SLC14A2: variants seen among roughly 807,000 people sequenced by gnomAD.
The protein encoded by SLC14A2 is solute carrier family 14 member 2.
In SLC14A2, 91 loss-of-function variants were observed where a neutral mutation model predicts 104.6. The ratio of observed to expected loss-of-function variants is 0.87; its 90% CI spans 0.73 to 1.04. The LOEUF is 1.04. SLC14A2 is among the 50% of genes least tolerant of loss of function. SLC14A2 has a pLI of 0.00. For synonymous variants in SLC14A2, 476 were observed against 466.4 expected, an observed-to-expected ratio of 1.02 and a Z score of -0.27; for missense variants, 1,189 against 1,156.0, an observed-to-expected ratio of 1.03 and a Z score of -0.41.
At chr18:45,275,731 A>G (rs188489313) in intron 1 of SLC14A2, among the ~76,000 whole-genome samples, 1 of 152,348 alleles carries the variant, frequency 6.6e-6, no homozygotes, top group East Asian at 1.9e-4. Context: ...TAGTCTCATT[A>G]AAGAGAGTAA....
intron 1 of SLC14A2, among the ~76,000 whole-genome samples, chr18:45,418,090 A>G (rs2086297916): frequency 6.6e-6 from 1 of 152,218 alleles, no homozygotes; most frequent in South Asian, 2.1e-4. Flanking sequence ...TTTTCCTTTG[A>G]AATAAATGTA....
At chr18:45,530,843 T>G (rs2043673619) in intron 2 of SLC14A2, among the ~76,000 whole-genome samples, 1 of 151,908 alleles carries the variant, frequency 6.6e-6, no homozygotes, top group Non-Finnish European at 1.5e-5. Context: ...ATGCTATCCC[T>G]CCCCACTCCC....
intron 1 of SLC14A2, among the ~76,000 whole-genome samples, chr18:45,399,041 T>C (rs1402556097): frequency 6.6e-6 from 1 of 152,196 alleles, no homozygotes; most frequent in African/African-American, 2.4e-5. Context: ...ATGACACTTA[T>C]TGGATGCTAA....
the SLC14A2 span, among the ~76,000 whole-genome samples, chr18:45,170,450 T>C: frequency 6.6e-6 from 1 of 152,232 alleles, no homozygotes; most frequent in South Asian, 2.1e-4. Flanking sequence ...AAATGTAGGT[T>C]GGTGGTAGAA....
intron 1 of SLC14A2, among the ~76,000 whole-genome samples, chr18:45,418,136 C>T (rs1247972126): frequency 2.0e-5 from 3 of 152,112 alleles, no homozygotes; most frequent in Non-Finnish European, 2.9e-5. Context: ...AGAAAAGCAA[C>T]AATATTCATT....
upstream of SLC14A2, among the ~76,000 whole-genome samples, chr18:45,614,085 C>T (rs537946353): frequency 6.6e-6 from 1 of 152,344 alleles, no homozygotes; most frequent in East Asian, 1.9e-4. Context: ...CCACTACTGC[C>T]CTATGCAGCC....
At chr18:45,667,749 C>A in intron 13 of SLC14A2, 84 bp from the exon 14 acceptor site, 1 of 1,106,936 alleles carries the variant, frequency 9.0e-7, no homozygotes, top group Non-Finnish European at 1.4e-6. Flanking sequence ...TTCGGATATC[C>A]AGATTCCCTC....
At chr18:45,518,539 G>A (rs2705390) in intron 2 of SLC14A2, among the ~76,000 whole-genome samples, 151,124 of 152,278 alleles carry the variant, frequency 0.99, 75,002 homozygotes, top group Middle Eastern at 1. Context: ...AAACAGCCCT[G>A]TAACTGTTGG....
intron 1 of SLC14A2, among the ~76,000 whole-genome samples, chr18:45,427,760 A>T (rs2086455299): frequency 6.6e-6 from 1 of 152,162 alleles, no homozygotes; most frequent in Admixed American, 6.5e-5. Flanking sequence ...GGATGTGAGG[A>T]AACAGTGGTG....
rs116133454 is a variant in SLC14A2, at chr18:45,619,875, C to G, written c.-35+4293C>G. 6.4e-3 allele frequency among the ~76,000 whole-genome samples: 980 copies of G among 152,330 alleles called. 15 individuals are homozygous for G. The highest frequency in any genetic ancestry group is 0.022 in the African/African-American group (905 of 41,564). ...AAGAGGGAAAAGTAAGATCACTAAG[C>G]GCCTACTATGTGCCAGGAACCAAGT... is the stretch of plus-strand genomic sequence containing the variant. On this transcript the variant is annotated intron_variant, in intron 1 of 19. Transcript: ENST00000255226.
chr18:45,437,531 C>T lies in SLC14A2; in HGVS notation c.-124-45702C>T, dbSNP rs1259196594. Among the ~76,000 whole-genome samples the T allele has an allele frequency of 4.6e-5, 7 of 152,206 alleles. No individual in the cohort carries two copies. In the East Asian group the frequency reaches 1.4e-3, roughly 29 times the overall value. On this transcript the variant is annotated intron_variant, in intron 1 of 20. Transcript: ENST00000586448. ...CGCATCTGGGAGTGGCCCATCCGCT[C>T]CAGCTGCTAGCCACCCTCATGTCAT...
chr18:45,442,432 A>T (rs1424102723), intron 1 of SLC14A2, among the ~76,000 whole-genome samples: 1 of 152,156 alleles, frequency 6.6e-6, no homozygotes, highest in Non-Finnish European at 1.5e-5. Context: ...GTTTGCTGGC[A>T]ATCTTTGACT....
At chr18:45,396,539 G>A (rs1220343278) in intron 1 of SLC14A2, among the ~76,000 whole-genome samples, 7 of 150,910 alleles carry the variant, frequency 4.6e-5, no homozygotes, top group Admixed American at 1.3e-4. Flanking sequence ...ATTTTGGGGG[G>A]TTTTCCATTT....
chr18:45,402,246 C>A (rs961203325), intron 1 of SLC14A2, among the ~76,000 whole-genome samples: 1 of 151,202 alleles, frequency 6.6e-6, no homozygotes, highest in African/African-American at 2.4e-5. Context: ...TTTCCTCCTG[C>A]AAAAAAAAGT....
intron 2 of SLC14A2, among the ~76,000 whole-genome samples, chr18:45,484,077 CAT>C (rs1372791355): frequency 2.0e-5 from 3 of 152,202 alleles, no homozygotes; most frequent in Non-Finnish European, 4.4e-5. Flanking sequence ...ACATTTCACT[CAT>C]ATAATAGCCA....
intron 2 of SLC14A2, among the ~76,000 whole-genome samples, chr18:45,548,179 A>G (rs913806256): frequency 6.6e-6 from 1 of 152,192 alleles, no homozygotes; most frequent in Non-Finnish European, 1.5e-5. Context: ...AGTTCTTCAA[A>G]AGGAAACAGG....
chr18:45,292,370 G>T (rs766989208), intron 1 of SLC14A2, among the ~76,000 whole-genome samples: 18 of 152,198 alleles, frequency 1.2e-4, no homozygotes, highest in Non-Finnish European at 1.5e-4. Flanking sequence ...AGCTGTACTA[G>T]GGCGTTGCCA....
At chr18:45,307,680 C>T (rs2085037948) in intron 1 of SLC14A2, among the ~76,000 whole-genome samples, 1 of 152,124 alleles carries the variant, frequency 6.6e-6, no homozygotes, top group Non-Finnish European at 1.5e-5. Context: ...TGTAAAAAAC[C>T]TATCCTCATA....
At chr18:45,378,746 T>C (rs150852416) in intron 1 of SLC14A2, among the ~76,000 whole-genome samples, 2 of 152,262 alleles carry the variant, frequency 1.3e-5, no homozygotes, top group African/African-American at 4.8e-5. Flanking sequence ...CTCAATGCAT[T>C]TTGTTTCTGA....
Sources: allele counts gnomAD v4.1 joint callset (sites outside exome capture counted in the v4.1 genomes callset), GRCh38; gene constraint gnomAD v4.1.1; transcripts MANE v1.5; gene names NCBI Gene and HGNC (gene_info 2026-07-23, HGNC 2026-07-21).